MACROD2: variants seen among roughly 807,000 people sequenced by gnomAD.
MACROD2 encodes mono-ADP ribosylhydrolase 2.
MACROD2 carries 36 observed loss-of-function variants against 70.4 expected under a neutral mutation model. The observed-to-expected ratio is 0.51, with a 90% CI of 0.39 to 0.68. The LOEUF is 0.68. MACROD2 is among the 30% of genes least tolerant of loss of function. The pLI, the probability that MACROD2 is intolerant of heterozygous loss-of-function variation, is 0.00. For synonymous variants in MACROD2, 172 were observed against 178.8 expected, an observed-to-expected ratio of 0.96 and a Z score of 0.30; for missense variants, 496 against 538.4, an observed-to-expected ratio of 0.92 and a Z score of 0.78.
At chr20:15,412,013 C>A (rs971533394) in intron 6 of MACROD2, among the ~76,000 whole-genome samples, 1 of 152,156 alleles carries the variant, frequency 6.6e-6, no homozygotes, top group African/African-American at 2.4e-5. Flanking sequence ...CAGCACCACC[C>A]ACCACTCTCC....
intron 8 of MACROD2, among the ~76,000 whole-genome samples, chr20:15,626,359 G>A (rs150540146): frequency 0.015 from 2,323 of 152,302 alleles, 56 homozygotes; most frequent in African/African-American, 0.053. Context: ...CAGTTGAGAT[G>A]CAAATAGTTT....
intron 5 of MACROD2, among the ~76,000 whole-genome samples, chr20:14,748,139 C>T (rs536944773): frequency 1.3e-5 from 2 of 152,138 alleles, no homozygotes; most frequent in East Asian, 3.9e-4. Context: ...GCTCTTCTCC[C>T]CTCATTTAAC....
intron 5 of MACROD2, among the ~76,000 whole-genome samples, chr20:14,768,510 G>T (rs2072121614): frequency 1.3e-5 from 2 of 151,976 alleles, no homozygotes; most frequent in African/African-American, 4.8e-5. Flanking sequence ...GTTTTTATGG[G>T]ATCTCTTTAT....
At chr20:15,883,999 G>A (rs2064790934) in intron 9 of MACROD2, among the ~76,000 whole-genome samples, 2 of 151,980 alleles carry the variant, frequency 1.3e-5, no homozygotes, top group African/African-American at 4.8e-5. Context: ...AGTGCTTTAC[G>A]TGGCATTATC....
intron 3 of MACROD2, among the ~76,000 whole-genome samples, chr20:14,333,607 A>G (rs181409976): frequency 1.6e-3 from 244 of 152,292 alleles, no homozygotes; most frequent in African/African-American, 5.4e-3. Context: ...ACGTTTTACC[A>G]TTGCAGACTT....
At chr20:15,277,259 A>G (rs1414396209) in intron 6 of MACROD2, among the ~76,000 whole-genome samples, 2 of 152,104 alleles carry the variant, frequency 1.3e-5, no homozygotes, top group Non-Finnish European at 2.9e-5. Context: ...AAAGCAAGAA[A>G]TCCTTTCCCC....
chr20:15,394,089 T>A (rs1002378700), intron 6 of MACROD2, among the ~76,000 whole-genome samples: 4 of 152,196 alleles, frequency 2.6e-5, no homozygotes, highest in African/African-American at 9.6e-5. Context: ...ATACTTACCC[T>A]TTTGCCATTC....
chr20:14,072,920 C>T (rs1339997106), intron 2 of MACROD2, among the ~76,000 whole-genome samples: 6 of 141,708 alleles, frequency 4.2e-5, no homozygotes, highest in Non-Finnish European at 7.6e-5. Context: ...GGCGACAGAG[C>T]GAGACTCCGT....
chr20:15,406,544 TG>T, intron 6 of MACROD2, among the ~76,000 whole-genome samples: 1 of 152,218 alleles, frequency 6.6e-6, no homozygotes, highest in East Asian at 1.9e-4. Flanking sequence ...TAAGACCAAA[TG>T]GGCTTTTATT....
intron 5 of MACROD2, among the ~76,000 whole-genome samples, chr20:14,871,069 G>A (rs2073482590): frequency 6.6e-6 from 1 of 151,976 alleles, no homozygotes; most frequent in Admixed American, 6.6e-5. Context: ...GAGATAGGGG[G>A]AATGGAACCA....
intron 7 of MACROD2, among the ~76,000 whole-genome samples, chr20:15,439,251 C>G (rs1050921671): frequency 2.6e-5 from 4 of 152,172 alleles, no homozygotes; most frequent in African/African-American, 7.2e-5. Flanking sequence ...TGCCATTTCT[C>G]ACACACCTGT....
chr20:14,373,577 A>G (rs2083346000), intron 3 of MACROD2, among the ~76,000 whole-genome samples: 1 of 152,168 alleles, frequency 6.6e-6, no homozygotes, highest in Non-Finnish European at 1.5e-5. Context: ...ATTTGCTTCC[A>G]TTGAGTTAGC....
At chr20:15,019,227 A>G (rs1189971335) in intron 5 of MACROD2, among the ~76,000 whole-genome samples, 2 of 152,220 alleles carry the variant, frequency 1.3e-5, no homozygotes, top group African/African-American at 4.8e-5. Context: ...TTTAATTCTC[A>G]TTAGGACCTA....
At position 14,396,654 on chromosome 20, in the gene MACROD2, A is replaced by G. The variant is rs139475921; in HGVS notation, c.272-96825A>G. Among the ~76,000 whole-genome samples, 110 of 152,242 alleles carry G rather than the reference A, an allele frequency of 7.2e-4. No individual in the cohort carries two copies. In the East Asian group the frequency reaches 0.02, roughly 28 times the overall value. On this transcript the variant is annotated intron_variant, in intron 3 of 17. Transcript: ENST00000684519. ...TTAAAATCCAATCTGGGCTGAGCGC[A>G]GTGGCTCACGCCTGTAATCCCAGCA...
At position 15,862,810 on chromosome 20, in the gene MACROD2, T is replaced by G; in HGVS notation, c.711T>G (p.Asn237Lys). ...TCAAAATCTACAAAAAGAAAATGAA[T>G]GAGTTTTTCTCCGTAGGTGAGTAAA... The part of the protein sequence containing the change: ...VDFKIYKKKM[N>K]EFFSVDDNNE... Residue 237 changes from asparagine (N) to lysine (K), a missense_variant, in exon 9 of 18, where the codon AAT becomes AAG. Transcript: ENST00000684519. 1 of 1,611,564 alleles carries G rather than the reference T, an allele frequency of 6.2e-7. No homozygotes were observed. The highest frequency in any genetic ancestry group is 8.5e-7 in the Non-Finnish European group (1 of 1,178,682).
intron 8 of MACROD2, among the ~76,000 whole-genome samples, chr20:15,508,554 T>G (rs2047458258): frequency 6.6e-6 from 1 of 152,220 alleles, no homozygotes; most frequent in South Asian, 2.1e-4. Flanking sequence ...TTTTAAAATC[T>G]TTAATTTCCT....
intron 8 of MACROD2, among the ~76,000 whole-genome samples, chr20:15,590,987 G>A (rs940634672): frequency 6.8e-5 from 10 of 146,012 alleles, no homozygotes; most frequent in Non-Finnish European, 9.2e-5. Flanking sequence ...AAGAAAAGAA[G>A]AGAGAGAGAG....
intron 3 of MACROD2, among the ~76,000 whole-genome samples, chr20:14,245,909 G>C (rs976050337): frequency 6.6e-6 from 1 of 152,062 alleles, no homozygotes; most frequent in African/African-American, 2.4e-5. Flanking sequence ...AATTCCAAGG[G>C]CTATTATCTC....
chr20:15,934,024 C>T (rs1201288964), intron 11 of MACROD2, among the ~76,000 whole-genome samples: 1 of 152,174 alleles, frequency 6.6e-6, no homozygotes, highest in African/African-American at 2.4e-5. Flanking sequence ...CTCTTCCTAT[C>T]CATTTTTGTA....
Sources: gnomAD v4.1 joint callset for allele counts (sites outside exome capture counted in the v4.1 genomes callset) on GRCh38, gnomAD v4.1.1 for gene constraint, MANE v1.5 for transcripts, NCBI Gene and HGNC (gene_info 2026-07-23, HGNC 2026-07-21) for gene names.